ZBTB40: variants seen among roughly 807,000 people sequenced by gnomAD.
ZBTB40 encodes the protein zinc finger and BTB domain containing 40.
Under a neutral mutation model 117.5 loss-of-function variants are expected in ZBTB40, and 60 were observed. The observed-to-expected ratio is 0.51, with a 90% CI of 0.41 to 0.63. ZBTB40 has a LOEUF of 0.63. Ranked by LOEUF, ZBTB40 falls within the 30% of genes least tolerant of loss-of-function variation. ZBTB40 has a pLI of 0.00. For missense variants in ZBTB40, 1,287 were observed against 1,498.5 expected, an observed-to-expected ratio of 0.86 and a Z score of 2.33; for synonymous variants, 525 against 577.1, an observed-to-expected ratio of 0.91 and a Z score of 1.29.
intron 3 of ZBTB40, 97 bp downstream of exon 3, chr1:22,491,630 A>G (rs575048494): frequency 5.5e-5 from 76 of 1,372,412 alleles, no homozygotes; most frequent in African/African-American, 4.0e-4. Context: ...CAGGGTTTCA[A>G]TGTTTTGAAA....
intron 17 of ZBTB40, among the ~76,000 whole-genome samples, chr1:22,525,204 T>C (rs1639643906): frequency 6.6e-6 from 1 of 152,262 alleles, no homozygotes; most frequent in African/African-American, 2.4e-5. Flanking sequence ...AAAGGTGCTC[T>C]GCTTTTATCT....
intron 1 of ZBTB40, among the ~76,000 whole-genome samples, chr1:22,465,189 G>A (rs12760544): frequency 0.29 from 43,685 of 152,146 alleles, 7,680 homozygotes; most frequent in East Asian, 0.45. Context: ...CCTGGAGAGG[G>A]TAGCTCCTCT....
chr1:22,519,147 G>GT (rs1488425280), intron 13 of ZBTB40, among the ~76,000 whole-genome samples: 3 of 152,270 alleles, frequency 2.0e-5, no homozygotes, highest in African/African-American at 7.2e-5. Flanking sequence ...GCTGCTGCAT[G>GT]TCAGAATTCC....
chr1:22,447,360 T>C (rs12026418), upstream of ZBTB40, among the ~76,000 whole-genome samples: 8,606 of 152,204 alleles, frequency 0.057, 770 homozygotes, highest in East Asian at 0.38. Context: ...GCTGTGGACC[T>C]GGACAGAGTG....
chr1:22,433,708 GT>G (rs1640633235), intron 1 of ZBTB40, among the ~76,000 whole-genome samples: 1 of 148,116 alleles, frequency 6.8e-6, no homozygotes. Flanking sequence ...ATGTATTGAA[GT>G]TATTTCCCTA....
At chr1:22,525,316 A>G (rs1476968271) in intron 17 of ZBTB40, among the ~76,000 whole-genome samples, 1 of 152,218 alleles carries the variant, frequency 6.6e-6, no homozygotes, top group Non-Finnish European at 1.5e-5. Flanking sequence ...TTTGAAAACT[A>G]CTATCCTGGA....
At chr1:22,434,658 A>T (rs573743580) in intron 1 of ZBTB40, among the ~76,000 whole-genome samples, 2 of 152,228 alleles carry the variant, frequency 1.3e-5, no homozygotes, top group South Asian at 2.1e-4. Context: ...GTTATCCCCA[A>T]CTTTTAATTA....
At chr1:22,446,070 A>C (rs765264284) in intron 1 of ZBTB40, among the ~76,000 whole-genome samples, 15 of 152,124 alleles carry the variant, frequency 9.9e-5, no homozygotes, top group Non-Finnish European at 1.9e-4. Flanking sequence ...AAAGAGATGG[A>C]AATTCTAAGA....
At chr1:22,458,645 A>G (rs1442428727) in intron 1 of ZBTB40, among the ~76,000 whole-genome samples, 2 of 152,192 alleles carry the variant, frequency 1.3e-5, no homozygotes, top group Admixed American at 1.3e-4. Context: ...AAGTCACTTG[A>G]TGTAATTATC....
intron 1 of ZBTB40, among the ~76,000 whole-genome samples, chr1:22,455,505 A>G (rs1486373522): frequency 1.3e-5 from 2 of 152,236 alleles, no homozygotes; most frequent in African/African-American, 2.4e-5. Flanking sequence ...CAAACGGAGC[A>G]AAGAACTGGA....
intron 16 of ZBTB40, among the ~76,000 whole-genome samples, chr1:22,522,875 C>A (rs1639573501): frequency 6.7e-6 from 1 of 150,066 alleles, no homozygotes; most frequent in South Asian, 2.1e-4. Context: ...AAGCAATTCT[C>A]CCTGACTTAG....
chr1:22,468,915 T>C (rs1415210272), intron 1 of ZBTB40, among the ~76,000 whole-genome samples: 2 of 152,146 alleles, frequency 1.3e-5, no homozygotes, highest in African/African-American at 4.8e-5. Flanking sequence ...TAGCCTTGAC[T>C]GCCTAGGCTC....
chr1:22,521,377 G>A (rs1639519883), intron 14 of ZBTB40, 119 bp from the exon 15 acceptor site: 1 of 1,269,236 alleles, frequency 7.9e-7, no homozygotes, highest in South Asian at 1.3e-5. Flanking sequence ...AGGTAAGAGT[G>A]TGTGATACTA....
chr1:22,470,549 G>A (rs146655621), intron 1 of ZBTB40, among the ~76,000 whole-genome samples: 128 of 152,308 alleles, frequency 8.4e-4, no homozygotes, highest in African/African-American at 3.0e-3. Context: ...TTCTGATCTG[G>A]TATAGACAGA....
chr1:22,500,367 T>C (rs1033894102), intron 3 of ZBTB40, among the ~76,000 whole-genome samples: 2 of 152,122 alleles, frequency 1.3e-5, no homozygotes, highest in Non-Finnish European at 2.9e-5. Context: ...CAGCTCTGGA[T>C]TGAAATAGTG....
chr1:22,507,588 T>A (rs962516970), intron 6 of ZBTB40, among the ~76,000 whole-genome samples: 1 of 152,126 alleles, frequency 6.6e-6, no homozygotes, highest in South Asian at 2.1e-4. Context: ...GGCACCTAAA[T>A]AGAAAAACCA....
At chr1:22,471,104 A>G (rs1275070710) in intron 1 of ZBTB40, among the ~76,000 whole-genome samples, 2 of 152,274 alleles carry the variant, frequency 1.3e-5, no homozygotes, top group Non-Finnish European at 2.9e-5. Flanking sequence ...TTGACAGGTT[A>G]AGATTTCTGT....
intron 1 of ZBTB40, among the ~76,000 whole-genome samples, chr1:22,442,190 A>G (rs1640741311): frequency 6.6e-6 from 1 of 152,220 alleles, no homozygotes; most frequent in African/African-American, 2.4e-5. Context: ...GGCCTAACAT[A>G]TAATCTATCC....
chr1:22,442,966 A>G (rs1640750580), intron 1 of ZBTB40, among the ~76,000 whole-genome samples: 1 of 152,206 alleles, frequency 6.6e-6, no homozygotes, highest in Non-Finnish European at 1.5e-5. Flanking sequence ...GTTGTATTTA[A>G]TCTGAAGGCT....
Sources: allele counts gnomAD v4.1 joint callset (sites outside exome capture counted in the v4.1 genomes callset), GRCh38; gene constraint gnomAD v4.1.1; transcripts MANE v1.5; gene names NCBI Gene and HGNC (gene_info 2026-07-23, HGNC 2026-07-21).